Variants in GRM8 observed in about 807,000 individuals in gnomAD.
GRM8 encodes metabotropic glutamate receptor 8.
A neutral mutation model predicts 87.2 loss-of-function variants in GRM8; 47 were observed. That is an observed-to-expected ratio of 0.54 (90% confidence interval 0.43 to 0.69). The LOEUF (loss-of-function observed/expected upper bound fraction) is 0.69, where lower values mean the gene tolerates loss of function less well. Among genes scored for constraint, GRM8 ranks in the 30% least tolerant of loss-of-function variants. GRM8 has a pLI of 0.00. For missense variants in GRM8, 1,019 were observed against 1,139.2 expected (o/e 0.89, Z 1.52); for synonymous variants, 396 against 404.5 (o/e 0.98, Z 0.25).
intron 9 of GRM8, among the ~76,000 whole-genome samples, chr7:126,527,759 G>T (rs1259606540): frequency 6.6e-6 from 1 of 151,940 alleles, no homozygotes; most frequent in African/African-American, 2.4e-5. Context: ...TTTTCTTCCA[G>T]TATTGTCTGT....
intron 7 of GRM8, among the ~76,000 whole-genome samples, chr7:126,665,066 C>G (rs556931582): frequency 6.6e-6 from 1 of 152,202 alleles, no homozygotes; most frequent in East Asian, 1.9e-4. Flanking sequence ...ACATGAGATA[C>G]CATCTCACAC....
intron 2 of GRM8, among the ~76,000 whole-genome samples, chr7:127,197,896 CCA>C (rs1413623598): frequency 6.6e-6 from 1 of 151,938 alleles, no homozygotes; most frequent in Non-Finnish European, 1.5e-5. Context: ...ACATGTACAC[CCA>C]GTGCCGTTTC....
intron 3 of GRM8, among the ~76,000 whole-genome samples, chr7:127,045,048 A>G (rs1203482280): frequency 6.6e-6 from 1 of 152,170 alleles, no homozygotes; most frequent in African/African-American, 2.4e-5. Context: ...GTTCATATTC[A>G]GTGACATTTT....
At chr7:126,478,312 T>C (rs1195814207) in intron 9 of GRM8, among the ~76,000 whole-genome samples, 2 of 152,164 alleles carry the variant, frequency 1.3e-5, no homozygotes, top group Non-Finnish European at 2.9e-5. Flanking sequence ...TAAGTATGTA[T>C]GCATATTGTC....
intron 7 of GRM8, among the ~76,000 whole-genome samples, chr7:126,619,349 G>A (rs552151628): frequency 5.5e-4 from 84 of 152,160 alleles, no homozygotes; most frequent in Middle Eastern, 6.8e-3. Context: ...ACAGGAAGGG[G>A]AACATCACAC....
At chr7:126,699,954 T>C (rs1472639700) in intron 7 of GRM8, among the ~76,000 whole-genome samples, 1 of 152,204 alleles carries the variant, frequency 6.6e-6, no homozygotes, top group Non-Finnish European at 1.5e-5. Context: ...TTCCAGTCAC[T>C]ATAACATCTG....
chr7:126,650,086 A>C (rs571265773), intron 7 of GRM8, among the ~76,000 whole-genome samples: 1 of 152,326 alleles, frequency 6.6e-6, no homozygotes. Context: ...TGGGTCATCA[A>C]GTCACCACGT....
chr7:126,623,500 C>T (rs992681294), intron 7 of GRM8, among the ~76,000 whole-genome samples: 1 of 152,170 alleles, frequency 6.6e-6, no homozygotes. Flanking sequence ...TCAACACCCA[C>T]ATGGTTAGTG....
rs1191894309 is a variant in GRM8 at position 127,027,847 on chromosome 7, G to C, written c.727+78649C>G. On this transcript the variant is annotated intron_variant, in intron 3 of 10. Transcript: ENST00000339582. ...TTTCTTTCTCTTGCCTGATTGCCCT[G>C]GCCAGAACTTCCAATATTATGTTGA... Among the ~76,000 whole-genome samples the C allele has an allele frequency of 2.6e-5, 4 of 151,912 alleles. No individual in the cohort carries two copies. In the East Asian group the frequency reaches 7.7e-4, roughly 29 times the overall value.
chr7:126,745,119 G>C (rs1458409602), intron 7 of GRM8, among the ~76,000 whole-genome samples: 2 of 151,746 alleles, frequency 1.3e-5, no homozygotes, highest in East Asian at 1.9e-4. Flanking sequence ...GTAAAGGTTT[G>C]CTAGGACCAA....
At chr7:126,963,286 T>C (rs1008530158) in intron 3 of GRM8, among the ~76,000 whole-genome samples, 22 of 152,376 alleles carry the variant, frequency 1.4e-4, no homozygotes, top group Non-Finnish European at 3.2e-4. Context: ...AGTTTATTTC[T>C]GTTTCCATAA....
intron 6 of GRM8, among the ~76,000 whole-genome samples, chr7:126,875,998 G>A (rs1225107602): frequency 4.6e-5 from 7 of 152,080 alleles, no homozygotes; most frequent in East Asian, 1.9e-4. Flanking sequence ...TTAATGTGAC[G>A]TTTATCCTGA....
chr7:126,570,165 T>A (rs546854662), intron 8 of GRM8, among the ~76,000 whole-genome samples: 98 of 152,338 alleles, frequency 6.4e-4, no homozygotes, highest in African/African-American at 2.2e-3. Context: ...AGCTACTTCC[T>A]TCTCATCTTG....
intron 3 of GRM8, among the ~76,000 whole-genome samples, chr7:126,951,059 CAATAATGCTGTA>C (rs1185884834): frequency 3.3e-5 from 5 of 151,824 alleles, no homozygotes; most frequent in African/African-American, 1.2e-4. Context: ...AAATGGAGTA[CAATAATGCTGTA>C]AAAAAGATTA....
intron 7 of GRM8, among the ~76,000 whole-genome samples, chr7:126,677,887 C>T (rs974632347): frequency 1.3e-5 from 2 of 152,224 alleles, no homozygotes; most frequent in African/African-American, 2.4e-5. Flanking sequence ...CAAGCTCCCA[C>T]AGTCGTGTAA....
At chr7:127,129,858 G>T (rs903559797) in intron 2 of GRM8, among the ~76,000 whole-genome samples, 6 of 152,134 alleles carry the variant, frequency 3.9e-5, no homozygotes, top group African/African-American at 1.4e-4. Flanking sequence ...TTCAATCTCT[G>T]AGTCATTTCT....
At chr7:127,240,472 A>G (rs1289572651) in intron 2 of GRM8, among the ~76,000 whole-genome samples, 1 of 151,250 alleles carries the variant, frequency 6.6e-6, no homozygotes, top group Non-Finnish European at 1.5e-5. Context: ...TCATATGAAT[A>G]CCTTATCTCC....
chr7:126,578,131 T>A (rs1053322988), intron 8 of GRM8, among the ~76,000 whole-genome samples: 2 of 152,220 alleles, frequency 1.3e-5, no homozygotes, highest in African/African-American at 4.8e-5. Context: ...TATCCATATT[T>A]TTCCTGTTAC....
At chr7:126,803,926 C>T (rs1354560506) in intron 6 of GRM8, among the ~76,000 whole-genome samples, 1 of 152,214 alleles carries the variant, frequency 6.6e-6, no homozygotes, top group Middle Eastern at 3.2e-3. Flanking sequence ...AGTAAATCGT[C>T]ACTAATACTA....
Sources: gnomAD v4.1 joint callset for allele counts (sites outside exome capture counted in the v4.1 genomes callset) on GRCh38, gnomAD v4.1.1 for gene constraint, MANE v1.5 for transcripts, NCBI Gene and HGNC (gene_info 2026-07-23, HGNC 2026-07-21) for gene names.